LMBRD1: variants seen among roughly 807,000 people sequenced by gnomAD.
The protein encoded by LMBRD1 is LMBR1 domain containing 1.
LMBRD1 carries 64 observed loss-of-function variants against 74.8 expected under a neutral mutation model. That is an observed-to-expected ratio of 0.86 (90% confidence interval 0.70 to 1.05). The LOEUF is 1.05. Among genes scored for constraint, LMBRD1 ranks in the 50% least tolerant of loss-of-function variants. LMBRD1 has a pLI of 0.00. For missense variants in LMBRD1, 652 were observed against 645.9 expected (o/e 1.01, Z -0.10); for synonymous variants, 204 against 216.3 (o/e 0.94, Z 0.50).
intron 14 of LMBRD1, among the ~76,000 whole-genome samples, chr6:69,681,309 A>G (rs962972357): frequency 1.3e-5 from 2 of 152,006 alleles, no homozygotes; most frequent in Non-Finnish European, 2.9e-5. Flanking sequence ...CATATCATCA[A>G]ACAGAGAAAT....
At chr6:69,732,853 A>C (rs766301819) in intron 7 of LMBRD1, among the ~76,000 whole-genome samples, 49 of 152,158 alleles carry the variant, frequency 3.2e-4, no homozygotes, top group Non-Finnish European at 5.1e-4. Flanking sequence ...GGCACCAAAA[A>C]ATTAGAATAT....
At chr6:69,776,622 A>T (rs1431975905) in intron 3 of LMBRD1, among the ~76,000 whole-genome samples, 1 of 152,218 alleles carries the variant, frequency 6.6e-6, no homozygotes, top group Non-Finnish European at 1.5e-5. Context: ...CAATTAAAGC[A>T]TAAGTAGGTC....
At chr6:69,771,072 A>G (rs1264164509) in intron 3 of LMBRD1, among the ~76,000 whole-genome samples, 1 of 152,204 alleles carries the variant, frequency 6.6e-6, no homozygotes, top group African/African-American at 2.4e-5. Flanking sequence ...GTTATCTACT[A>G]CCATGTAAGA....
At chr6:69,736,678 T>C (rs1350699534) in intron 7 of LMBRD1, among the ~76,000 whole-genome samples, 3 of 152,236 alleles carry the variant, frequency 2.0e-5, no homozygotes, top group Non-Finnish European at 4.4e-5. Context: ...TTACAAATAG[T>C]ATCATTTGAC....
intron 7 of LMBRD1, among the ~76,000 whole-genome samples, chr6:69,722,896 T>C (rs1766647537): frequency 6.6e-6 from 1 of 152,130 alleles, no homozygotes; most frequent in South Asian, 2.1e-4. Flanking sequence ...ATAGACTGAT[T>C]GAATGGATAA....
At chr6:69,712,217 G>A (rs1766398146) in intron 9 of LMBRD1, among the ~76,000 whole-genome samples, 1 of 152,064 alleles carries the variant, frequency 6.6e-6, no homozygotes, top group Non-Finnish European at 1.5e-5. Context: ...GAAGTCTGTG[G>A]CCAACAGTTT....
intron 3 of LMBRD1, among the ~76,000 whole-genome samples, chr6:69,774,989 G>GGAAGGAAGGAA (rs1765664019): frequency 3.6e-5 from 1 of 28,106 alleles, no homozygotes. Flanking sequence ...AAGGAAGGAA[G>GGAAGGAAGGAA]GGAGGGAGGG....
rs2149856450 is a variant in LMBRD1 at position 69,719,034 on chromosome 6, T to G, written c.684A>C (p.Arg228Ser). The G allele has an allele frequency of 1.2e-6, 2 of 1,613,242 alleles. No individual in the cohort carries two copies. The highest frequency in any genetic ancestry group is 1.1e-5 in the South Asian group (1 of 91,060). The change falls in exon 8 of 16, where the codon AGA becomes AGC. Residue 228 changes from arginine (R) to serine (S), a missense_variant. Physicochemically the swap from Arg to Ser is moderately radical, Grantham distance 110. This residue lies in a region of LMBRD1 where 598 missense variants were observed against 581.8 expected (regional missense o/e 1.03). Coordinates refer to ENST00000649934, the MANE Select transcript of LMBRD1 (RefSeq NM_018368.4). ...TTTCCAAACGTTCATAAGCAGCGCT[T>G]CTAGTGCCTTTTATCAGATTTAAAG... Reference protein sequence around the residue: ...ALPLNLIKGTRSAAYERLENT... With the variant: ...ALPLNLIKGTSSAAYERLENT...
intron 9 of LMBRD1, chr6:69,705,252 CAG>C (rs1766226906): frequency 2.9e-6 from 2 of 695,658 alleles, no homozygotes; most frequent in African/African-American, 1.8e-5. Flanking sequence ...TGAAGTAAGA[CAG>C]AAAAATTTTA....
chr6:69,700,772 C>A lies in LMBRD1; in HGVS notation c.1181G>T (p.Trp394Leu), dbSNP rs1582062487. The change falls in exon 12 of 16, where the codon TGG (tryptophan) becomes TTG (leucine). Residue 394 changes from tryptophan (W) to leucine (L), a missense_variant. Around this residue, in one of 3 missense-constraint regions of LMBRD1, gnomAD observed 598 missense variants for 581.8 expected, o/e 1.03. Transcript: ENST00000649934. Reference sequence around the variant, plus strand: ...ACTGTAATATATACTTACTCTAATCCAAAAGAACCATATGCCAATATTTCG... The same window carrying A: ...ACTGTAATATATACTTACTCTAATCAAAAAGAACCATATGCCAATATTTCG... ...GIRNIGIWFFWIRLYKIRRGR... is the reference protein window; with the variant it reads ...GIRNIGIWFFLIRLYKIRRGR... 2 of 1,500,848 alleles carry A rather than the reference C, an allele frequency of 1.3e-6. No homozygotes were observed. The highest frequency in any genetic ancestry group is 1.3e-5 in the South Asian group (1 of 79,986). The allele number at this position is 1,500,848 out of a possible 1,614,324, so 93.0% of individuals were successfully genotyped here.
At position 69,713,677 on chromosome 6, in the gene LMBRD1, T is replaced by C. The variant is rs1420601146; in HGVS notation, c.883A>G (p.Thr295Ala). The change falls in exon 9 of 16, where the codon ACA becomes GCA. Residue 295 changes from threonine to alanine, a missense_variant. Thr to Ala is a moderately conservative substitution (Grantham distance 58). Transcript: ENST00000649934. The stretch of plus-strand genomic sequence containing the variant: ...GGACGCAGAGCGCCACAAAATTTTG[T>C]CCACCAGCTGTTTTCAATGAATTCT... ...HLEFIENSWW[T>A]KFCGALRPLK... The C allele has an allele frequency of 6.2e-7, 1 of 1,613,612 alleles. No homozygotes were observed. Among genetic ancestry groups the C allele is most frequent in the Non-Finnish European group, 8.5e-7 (1 of 1,179,652 alleles).
intron 6 of LMBRD1, among the ~76,000 whole-genome samples, chr6:69,738,634 T>C (rs1164520448): frequency 1.4e-5 from 2 of 145,922 alleles, no homozygotes; most frequent in African/African-American, 2.6e-5. Context: ...ACACACAAAA[T>C]ACTATGCTAA....
intron 3 of LMBRD1, among the ~76,000 whole-genome samples, chr6:69,773,001 C>G (rs1009287358): frequency 2.0e-5 from 3 of 152,154 alleles, no homozygotes; most frequent in African/African-American, 7.2e-5. Context: ...ACTTTATCAC[C>G]ATTTCACAGG....
chr6:69,777,444 CAA>C (rs71741122), intron 3 of LMBRD1, among the ~76,000 whole-genome samples: 22 of 104,072 alleles, frequency 2.1e-4, no homozygotes, highest in Non-Finnish European at 2.3e-4. Flanking sequence ...GACTCTGTTG[CAA>C]AAAAAAAAAA....
At chr6:69,689,251 A>G (rs978256087) in intron 14 of LMBRD1, among the ~76,000 whole-genome samples, 7 of 152,224 alleles carry the variant, frequency 4.6e-5, no homozygotes, top group Non-Finnish European at 7.4e-5. Context: ...AAAAAATAAG[A>G]AAAGAAAGTT....
chr6:69,753,236 A>G (rs1765201095), intron 3 of LMBRD1, among the ~76,000 whole-genome samples: 1 of 152,234 alleles, frequency 6.6e-6, no homozygotes, highest in Admixed American at 6.5e-5. Context: ...GGAACATTTG[A>G]GACTTAAGCC....
intron 2 of LMBRD1, among the ~76,000 whole-genome samples, chr6:69,787,875 TA>T (rs771971107): frequency 2.0e-5 from 3 of 152,240 alleles, no homozygotes; most frequent in Non-Finnish European, 2.9e-5. Flanking sequence ...ACTACAGCCA[TA>T]TTTTTTTTCT....
intron 12 of LMBRD1, among the ~76,000 whole-genome samples, chr6:69,699,890 C>A (rs1259441286): frequency 6.6e-6 from 1 of 151,812 alleles, no homozygotes; most frequent in East Asian, 1.9e-4. Flanking sequence ...TTCCCAGGTT[C>A]TTTCACAGCC....
chr6:69,745,218 C>G (rs1477976688), intron 5 of LMBRD1, among the ~76,000 whole-genome samples: 1 of 151,388 alleles, frequency 6.6e-6, no homozygotes, highest in African/African-American at 2.4e-5. Context: ...TCTTCACTGT[C>G]TTACAATTAC....
Sources: gnomAD v4.1 joint callset for allele counts (sites outside exome capture counted in the v4.1 genomes callset) on GRCh38, gnomAD v4.1.1 for gene constraint, gnomAD v4.1.1 regional missense constraint, MANE v1.5 for transcripts, NCBI Gene and HGNC (gene_info 2026-07-23, HGNC 2026-07-21) for gene names.